PTPRB: variants seen among roughly 807,000 people sequenced by gnomAD.
PTPRB encodes protein tyrosine phosphatase receptor type B, also known as receptor-type tyrosine-protein phosphatase beta.
Under a neutral mutation model 238.1 loss-of-function variants are expected in PTPRB, and 97 were observed. That is an observed-to-expected ratio of 0.41 (90% CI 0.35 to 0.48). The LOEUF (loss-of-function observed/expected upper bound fraction) is 0.48, where lower values mean the gene tolerates loss of function less well. Ranked by LOEUF, PTPRB falls within the 20% of genes least tolerant of loss-of-function variation. The probability of loss-of-function intolerance (pLI) is 0.30; values close to 1 mark genes in which losing one functional copy is unlikely to be tolerated. For missense variants in PTPRB, 2,292 were observed against 2,681.9 expected, an observed-to-expected ratio of 0.85 and a Z score of 3.21; for synonymous variants, 970 against 995.4, an observed-to-expected ratio of 0.97 and a Z score of 0.48.
At chr12:70,626,348 TATCTATC>T in intron 2 of PTPRB, among the ~76,000 whole-genome samples, 1 of 147,594 alleles carries the variant, frequency 6.8e-6, no homozygotes, top group Non-Finnish European at 1.5e-5. Context: ...TCTATCTATC[TATCTATC>T]TATCTATCTA....
intron 15 of PTPRB, among the ~76,000 whole-genome samples, chr12:70,564,518 C>CAAAA (rs547350945): frequency 9.4e-6 from 1 of 105,996 alleles, no homozygotes; most frequent in Non-Finnish European, 1.9e-5. Context: ...GACTCCATCT[C>CAAAA]AAAAAAAAAA....
At chr12:70,531,365 C>T (rs750706369) in intron 32 of PTPRB, among the ~76,000 whole-genome samples, 19 of 151,760 alleles carry the variant, frequency 1.3e-4, no homozygotes, top group South Asian at 2.1e-4. Context: ...TTGTGAAACA[C>T]GAGGGTAAGA....
intron 19 of PTPRB, 31 bp from the exon 20 acceptor site, chr12:70,555,340 G>A (rs146751518): frequency 1.3e-5 from 21 of 1,591,356 alleles, no homozygotes; most frequent in Non-Finnish European, 1.7e-5. Flanking sequence ...GGAACCAAGA[G>A]GGGTCACAAC....
chr12:70,630,800 C>A (rs1349985082), intron 2 of PTPRB, among the ~76,000 whole-genome samples: 2 of 152,040 alleles, frequency 1.3e-5, no homozygotes, highest in African/African-American at 2.4e-5. Flanking sequence ...AGACAGAGAG[C>A]CAAGTCATGA....
At chr12:70,626,935 C>T (rs1885231639) in intron 2 of PTPRB, among the ~76,000 whole-genome samples, 1 of 151,896 alleles carries the variant, frequency 6.6e-6, no homozygotes, top group South Asian at 2.1e-4. Context: ...ATCTAAATTA[C>T]TTTTAAAAGA....
intron 21 of PTPRB, among the ~76,000 whole-genome samples, chr12:70,548,338 TCTCTCTCTCACACA>T (rs760493130): frequency 3.3e-3 from 126 of 38,398 alleles, no homozygotes; most frequent in African/African-American, 8.7e-3. Context: ...TCTCTCTCTC[TCTCTCTCTCACACA>T]CACACACACA....
At chr12:70,572,363 G>T (rs747094758) in intron 11 of PTPRB, among the ~76,000 whole-genome samples, 4 of 152,146 alleles carry the variant, frequency 2.6e-5, no homozygotes, top group Admixed American at 6.5e-5. Context: ...CATTAAACAT[G>T]ATGGCTGATG....
intron 21 of PTPRB, among the ~76,000 whole-genome samples, chr12:70,549,377 A>G (rs1219109443): frequency 6.6e-6 from 1 of 152,260 alleles, no homozygotes; most frequent in East Asian, 1.9e-4. Flanking sequence ...TAAAAACAAA[A>G]CCAGACCAGC....
At chr12:70,590,704 C>A (rs1299607987) in intron 7 of PTPRB, among the ~76,000 whole-genome samples, 4 of 148,462 alleles carry the variant, frequency 2.7e-5, no homozygotes, top group Non-Finnish European at 5.9e-5. Context: ...GACCCCATAT[C>A]CTTCCAGTCT....
chr12:70,565,258 G>C (rs935117932), intron 15 of PTPRB, among the ~76,000 whole-genome samples: 2 of 152,060 alleles, frequency 1.3e-5, no homozygotes. Context: ...GTTTTGTATT[G>C]CTTTAAGATA....
intron 19 of PTPRB, 124 bp from the exon 20 acceptor site, chr12:70,555,433 C>CT: frequency 3.2e-6 from 3 of 942,960 alleles, no homozygotes; most frequent in Admixed American, 2.8e-5. Flanking sequence ...TGAGCGTGTG[C>CT]CTGTGTTTAA....
At chr12:70,608,342 C>T (rs1003349391) in intron 4 of PTPRB, among the ~76,000 whole-genome samples, 33 of 152,094 alleles carry the variant, frequency 2.2e-4, no homozygotes, top group Non-Finnish European at 2.9e-5. Context: ...ACAGCCCATA[C>T]CTAAGTGTTG....
At chr12:70,614,982 T>C (rs963868263) in intron 3 of PTPRB, among the ~76,000 whole-genome samples, 6 of 152,142 alleles carry the variant, frequency 3.9e-5, no homozygotes, top group South Asian at 2.1e-4. Flanking sequence ...TCCTAGATCA[T>C]AGGTCTCCAG....
intron 15 of PTPRB, among the ~76,000 whole-genome samples, chr12:70,565,526 A>G (rs1879176358): frequency 6.6e-6 from 1 of 152,164 alleles, no homozygotes; most frequent in African/African-American, 2.4e-5. Context: ...CCTGACCTCC[A>G]TGCTTCCCTG....
At chr12:70,588,012 C>A (rs78951468) in intron 8 of PTPRB, among the ~76,000 whole-genome samples, 1 of 147,248 alleles carries the variant, frequency 6.8e-6, no homozygotes, top group African/African-American at 2.5e-5. Context: ...ATGAGAATTG[C>A]TTAAGTGGGG....
chr12:70,539,104 AAT>A (rs1286150031), intron 26 of PTPRB, 90 bp from the exon 27 acceptor site: 6 of 1,001,734 alleles, frequency 6.0e-6, no homozygotes, highest in Non-Finnish European at 7.8e-6. Context: ...ATAACATGAA[AAT>A]ATATACACTA....
intron 10 of PTPRB, among the ~76,000 whole-genome samples, chr12:70,577,190 C>T (rs2136405441): frequency 6.6e-6 from 1 of 152,214 alleles, no homozygotes; most frequent in Admixed American, 6.5e-5. Context: ...GACCGTTTTC[C>T]CTTTGCAAGG....
chr12:70,555,253 T>C lies in PTPRB; in HGVS notation c.5050A>G (p.Lys1684Glu). 6.2e-7 allele frequency: 1 copy of C among 1,613,818 alleles called. No homozygotes were observed. The highest frequency in any genetic ancestry group is 1.7e-5 in the Admixed American group (1 of 60,010). ...TTGACAGTAAAGTTGATGGAAGACT[T>C]GCTAATTAGCACATCCTTTTCATTC... is the stretch of plus-strand genomic sequence containing the variant. Reference protein sequence around the residue: ...RVNEKDVLISKSSINFTVNCS... With the variant: ...RVNEKDVLISESSINFTVNCS... The change falls in exon 20 of 34, where the codon AAG becomes GAG. Residue 1684 changes from lysine to glutamate, a missense_variant. Lys to Glu is a moderately conservative substitution (Grantham distance 56). Around this residue, in one of 4 missense-constraint regions of PTPRB, gnomAD observed 683 missense variants for 862.0 expected, o/e 0.79. Coordinates refer to ENST00000334414, the MANE Select transcript of PTPRB (RefSeq NM_001109754.4).
At chr12:70,535,095 T>A in intron 29 of PTPRB, 140 bp from the exon 30 acceptor site, 4 of 969,674 alleles carry the variant, frequency 4.1e-6, no homozygotes, top group Non-Finnish European at 5.9e-6. Flanking sequence ...TACTTTATAT[T>A]AACCTTCTCA....
Sources: allele counts gnomAD v4.1 joint callset (sites outside exome capture counted in the v4.1 genomes callset), GRCh38; gene constraint gnomAD v4.1.1; regional missense constraint gnomAD v4.1.1; transcripts MANE v1.5; gene names NCBI Gene and HGNC (gene_info 2026-07-23, HGNC 2026-07-21).